Variants in NOL4L observed in about 807,000 individuals in gnomAD.
NOL4L encodes the protein nucleolar protein 4 like, also known as nucleolar protein 4-like.
In NOL4L, 7 loss-of-function variants were observed where a neutral mutation model predicts 64.5. That is an observed-to-expected ratio of 0.11 (90% CI 0.06 to 0.20). NOL4L has a LOEUF of 0.20. NOL4L is among the 10% of genes least tolerant of loss of function. The pLI is 1.00. For missense variants in NOL4L, 680 were observed against 967.1 expected (o/e 0.70, Z 3.94); for synonymous variants, 413 against 401.0 (o/e 1.03, Z -0.36).
intron 5 of NOL4L, among the ~76,000 whole-genome samples, chr20:32,467,140 G>A (rs1341712756): frequency 6.6e-6 from 1 of 152,200 alleles, no homozygotes; most frequent in African/African-American, 2.4e-5. Context: ...GCTTCACGCT[G>A]TGCTGGGGAC....
intron 5 of NOL4L, among the ~76,000 whole-genome samples, chr20:32,471,850 C>T (rs1038974777): frequency 1.3e-4 from 20 of 152,170 alleles, no homozygotes; most frequent in African/African-American, 4.8e-4. Flanking sequence ...ATGAGACATG[C>T]CTGCTCCCCC....
intron 4 of NOL4L, among the ~76,000 whole-genome samples, chr20:32,476,732 G>A (rs1451972765): frequency 1.3e-5 from 2 of 152,188 alleles, no homozygotes; most frequent in East Asian, 1.9e-4. Context: ...GGCACCCCTC[G>A]ATCCACGAGG....
At chr20:32,517,586 C>T (rs6119879) in intron 3 of NOL4L, among the ~76,000 whole-genome samples, 44,594 of 152,156 alleles carry the variant, frequency 0.29, 7,580 homozygotes, top group East Asian at 0.77. Flanking sequence ...TTCCAGAAAC[C>T]AGGCCTTTCC....
intron 1 of NOL4L, chr20:32,536,230 G>A: frequency 1.0e-6 from 1 of 985,472 alleles, no homozygotes; most frequent in South Asian, 4.7e-5. Flanking sequence ...AGGGAATCGG[G>A]AGTCACCGAA....
At position 32,584,675 on chromosome 20, in the gene NOL4L, C is replaced by T. The variant is rs1174431046; in HGVS notation, c.216G>A (p.Glu72=). The change falls in exon 1 of 11, where the codon GAG becomes GAA. Residue 72 remains glutamate, a synonymous_variant. Coordinates refer to ENST00000621426, the MANE Select transcript of NOL4L (RefSeq NM_001256798.2). ...TGAGSGPAAG[E]KGKFQFWVRS... The stretch of plus-strand genomic sequence containing the variant: ...GCACCCAGAACTGGAACTTGCCTTT[C>T]TCGCCGGCTGCGGGGCCGCTGCCCG... 6.5e-7 allele frequency: 1 copy of T among 1,547,666 alleles called. No individual in the cohort carries two copies. Among genetic ancestry groups the T allele is most frequent in the Non-Finnish European group, 8.7e-7 (1 of 1,145,642 alleles).
intron 1 of NOL4L, among the ~76,000 whole-genome samples, chr20:32,576,648 C>T (rs576820414): frequency 2.0e-5 from 3 of 152,278 alleles, no homozygotes; most frequent in African/African-American, 7.2e-5. Flanking sequence ...CTCCGGGATC[C>T]ACAACCACGT....
At chr20:32,526,761 A>T (rs2018148114) in intron 2 of NOL4L, among the ~76,000 whole-genome samples, 1 of 152,184 alleles carries the variant, frequency 6.6e-6, no homozygotes, top group Admixed American at 6.5e-5. Flanking sequence ...AGTTTCCTTA[A>T]CTGTGAAATG....
chr20:32,543,695 C>T (rs1348774525), intron 1 of NOL4L, among the ~76,000 whole-genome samples: 1 of 151,878 alleles, frequency 6.6e-6, no homozygotes, highest in Non-Finnish European at 1.5e-5. Flanking sequence ...GAGGCTGAGG[C>T]ACAATAACCA....
At chr20:32,457,859 C>T (rs1487109021) in intron 5 of NOL4L, among the ~76,000 whole-genome samples, 4 of 152,200 alleles carry the variant, frequency 2.6e-5, no homozygotes, top group Non-Finnish European at 5.9e-5. Flanking sequence ...TCCCCGGGAC[C>T]CCACAGCCTA....
At chr20:32,537,366 C>T (rs892202468) in intron 1 of NOL4L, among the ~76,000 whole-genome samples, 3 of 152,340 alleles carry the variant, frequency 2.0e-5, no homozygotes, top group Middle Eastern at 3.4e-3. Flanking sequence ...GCCTCCTAAC[C>T]GTCCTGGGAG....
chr20:32,464,099 G>A lies in NOL4L; in HGVS notation c.842-7704C>T, dbSNP rs929682475. 1.3e-5 allele frequency among the ~76,000 whole-genome samples: 2 copies of A among 152,170 alleles called. No homozygotes were observed. The highest frequency in any genetic ancestry group is 2.4e-5 in the African/African-American group (1 of 41,432). ...GGGGTGGGAGACTGCTGGAGCCACGGCCCACCATGGCCAGGGAGGCGTGGA... is the reference window on the plus strand; with the variant it reads ...GGGGTGGGAGACTGCTGGAGCCACGACCCACCATGGCCAGGGAGGCGTGGA... On this transcript the variant is annotated intron_variant, in intron 5 of 10. Coordinates refer to ENST00000621426, the MANE Select transcript of NOL4L (RefSeq NM_001256798.2). The surrounding 1 kb of genome is among the most constrained non-coding windows in gnomAD (Gnocchi z 5.6).
At position 32,475,064 on chromosome 20, in the gene NOL4L, A is replaced by G. The variant is rs567117875; in HGVS notation, c.700-322T>C. 1.8e-3 allele frequency: 1,761 copies of G among 985,446 alleles called. 3 individuals carry two copies. The highest frequency in any genetic ancestry group is 2.1e-3 in the Non-Finnish European group (1,703 of 829,916). 61.0% of individuals were successfully genotyped at this position (985,446 alleles called of 1,614,324 possible). On this transcript the variant is annotated intron_variant, in intron 4 of 10. Transcript: ENST00000621426. ...GAGCCAAGGTTGAAACAAGCGCTGT[A>G]AACAAGGGCTGCCGCTCCCTGCTCT...
chr20:32,452,555 G>A (rs1348809301), intron 9 of NOL4L, 118 bp from the exon 10 acceptor site: 24 of 979,354 alleles, frequency 2.5e-5, no homozygotes, highest in African/African-American at 4.9e-5. Context: ...CCAATGCTGC[G>A]GTTTGACCTG....
intron 2 of NOL4L, among the ~76,000 whole-genome samples, chr20:32,521,885 C>T (rs2017951234): frequency 6.6e-6 from 1 of 152,212 alleles, no homozygotes; most frequent in South Asian, 2.1e-4. Context: ...CACCTCTCCA[C>T]TAAGGGGCAG....
At chr20:32,457,566 C>T (rs1237755710) in intron 5 of NOL4L, among the ~76,000 whole-genome samples, 1 of 152,098 alleles carries the variant, frequency 6.6e-6, no homozygotes, top group African/African-American at 2.4e-5. Flanking sequence ...GCGGCTCTAG[C>T]GCCCCAACCA....
Position 32,485,058 on chromosome 20 carries a change from C to CAAAAAAAAAAAAAAAAAAAA in NOL4L, c.700-10336_700-10317dup, listed in dbSNP as rs57444583. On this transcript the variant is annotated intron_variant, in intron 4 of 10. Transcript: ENST00000621426. ...TCGTGGAATTCTGTGGGGAAATTGC[C>CAAAAAAAAAAAAAAAAAAAA]AAAAAAAAAAAAAAAAAAAAAAAAA... Among the ~76,000 whole-genome samples the CAAAAAAAAAAAAAAAAAAAA allele has an allele frequency of 6.2e-3, 111 of 17,806 alleles. 1 individual carries two copies. Among genetic ancestry groups the CAAAAAAAAAAAAAAAAAAAA allele is most frequent in the East Asian group, 0.013 (5 of 374 alleles). The allele number at this position is 17,806 out of a possible 152,430, so 11.7% of individuals were successfully genotyped here. A position where few individuals can be genotyped will look rare whatever the true frequency, so the allele number is the denominator to read the frequency against.
intron 1 of NOL4L, among the ~76,000 whole-genome samples, chr20:32,528,831 G>C (rs2018240408): frequency 6.6e-6 from 1 of 152,218 alleles, no homozygotes; most frequent in Non-Finnish European, 1.5e-5. Flanking sequence ...GCTCCTTCAG[G>C]GGAGTCTGTG....
At chr20:32,572,433 C>CT (rs1979807339) in intron 1 of NOL4L, 1 of 152,256 alleles carries the variant, frequency 6.6e-6, no homozygotes, top group African/African-American at 2.4e-5. Flanking sequence ...CCCACAGCAA[C>CT]TGGAAGAAGT....
chr20:32,514,507 T>A (rs1446884625), intron 3 of NOL4L, among the ~76,000 whole-genome samples: 1 of 149,930 alleles, frequency 6.7e-6, no homozygotes, highest in East Asian at 2.0e-4. Flanking sequence ...AAAAAAAAAG[T>A]AAATGTCACT....
Sources: allele counts gnomAD v4.1 joint callset (sites outside exome capture counted in the v4.1 genomes callset), GRCh38; gene constraint gnomAD v4.1.1; non-coding constraint Gnocchi (gnomAD v3.1); transcripts MANE v1.5; gene names NCBI Gene and HGNC (gene_info 2026-07-23, HGNC 2026-07-21).